The following SHISA9 variants were observed in gnomAD, a reference collection of about 807,000 sequenced individuals.
SHISA9 encodes the protein shisa family member 9.
SHISA9 carries 13 observed loss-of-function variants against 38.0 expected under a neutral mutation model. The ratio of observed to expected loss-of-function variants is 0.34; its 90% CI spans 0.22 to 0.54. The LOEUF is 0.54. Ranked by LOEUF, SHISA9 falls within the 20% of genes least tolerant of loss-of-function variation. The pLI is 0.91. For missense variants in SHISA9, 538 were observed against 575.8 expected (o/e 0.93, Z 0.67); for synonymous variants, 275 against 242.0 (o/e 1.14, Z -1.27).
At chr16:13,165,259 T>C (rs766551327) in intron 2 of SHISA9, among the ~76,000 whole-genome samples, 15 of 152,218 alleles carry the variant, frequency 9.9e-5, no homozygotes, top group Non-Finnish European at 2.1e-4. Flanking sequence ...TCAGTCATGC[T>C]CTTTTCATAT....
At position 13,211,742 on chromosome 16, in the gene SHISA9, C is replaced by G. The variant is rs180942211; in HGVS notation, c.848-1511C>G. On this transcript the variant is annotated intron_variant, in intron 3 of 4. Coordinates refer to ENST00000558583, the MANE Select transcript of SHISA9 (RefSeq NM_001145204.3). ...TTGTAATAGCTAAGCCCTATCTGAG[C>G]TAATGGGAACAGAGGTGACAAAATA... Among the ~76,000 whole-genome samples, 197 of 152,290 alleles carry G rather than the reference C, an allele frequency of 1.3e-3. 1 individual carries two copies. Among genetic ancestry groups the G allele is most frequent in the African/African-American group, 4.6e-3 (190 of 41,562 alleles).
At chr16:13,419,488 C>G in the SHISA9 span, among the ~76,000 whole-genome samples, 4 of 152,108 alleles carry the variant, frequency 2.6e-5, no homozygotes, top group Non-Finnish European at 5.9e-5. Context: ...TTTTCCTAAG[C>G]ATTTTTAGTT....
chr16:13,260,317 G>C, the SHISA9 span, among the ~76,000 whole-genome samples: 1 of 151,730 alleles, frequency 6.6e-6, no homozygotes, highest in Admixed American at 6.6e-5. Flanking sequence ...CGCCTGGCCG[G>C]GTTTTTCTTT....
intron 2 of SHISA9, among the ~76,000 whole-genome samples, chr16:12,937,300 C>T (rs2071547192): frequency 6.6e-6 from 1 of 152,174 alleles, no homozygotes; most frequent in Admixed American, 6.5e-5. Context: ...AAGCAATATT[C>T]AAGGACGTGA....
At chr16:13,293,252 A>G in the SHISA9 span, among the ~76,000 whole-genome samples, 1 of 152,068 alleles carries the variant, frequency 6.6e-6, no homozygotes, top group Admixed American at 6.6e-5. Context: ...GCGCGCAAAC[A>G]CACACACACA....
At chr16:13,551,996 C>T in the SHISA9 span, among the ~76,000 whole-genome samples, 287 of 152,186 alleles carry the variant, frequency 1.9e-3, no homozygotes, top group African/African-American at 6.5e-3. Flanking sequence ...CACTGCACTC[C>T]AGCCTGGGTA....
chr16:13,173,409 C>CAT (rs1555467995), intron 2 of SHISA9, among the ~76,000 whole-genome samples: 13 of 151,074 alleles, frequency 8.6e-5, no homozygotes, highest in East Asian at 3.9e-4. Flanking sequence ...CACACACACA[C>CAT]ATTTTCCTAA....
At chr16:13,527,369 G>A in the SHISA9 span, among the ~76,000 whole-genome samples, 2 of 152,282 alleles carry the variant, frequency 1.3e-5, no homozygotes, top group African/African-American at 2.4e-5. Context: ...GTCTTTAGAC[G>A]CAGATAATTG....
At chr16:13,278,109 A>C in the SHISA9 span, among the ~76,000 whole-genome samples, 16 of 151,942 alleles carry the variant, frequency 1.1e-4, 1 homozygote, top group East Asian at 2.9e-3. Context: ...GATTTTTCTG[A>C]GAGTTTTAGT....
intron 2 of SHISA9, among the ~76,000 whole-genome samples, chr16:12,991,779 T>A (rs1479142340): frequency 1.3e-5 from 2 of 152,184 alleles, no homozygotes; most frequent in Non-Finnish European, 2.9e-5. Context: ...TTCAAAAGCA[T>A]CCACCTTGTA....
At chr16:13,292,951 G>A in the SHISA9 span, among the ~76,000 whole-genome samples, 1 of 152,110 alleles carries the variant, frequency 6.6e-6, no homozygotes, top group Non-Finnish European at 1.5e-5. Flanking sequence ...ATTCTAAAGA[G>A]AATGGAGAGA....
the SHISA9 span, among the ~76,000 whole-genome samples, chr16:13,422,511 C>G: frequency 1.3e-5 from 2 of 152,060 alleles, no homozygotes; most frequent in Admixed American, 1.3e-4. Flanking sequence ...GCCCGGCCAA[C>G]ATGGCGAAAC....
At chr16:13,303,366 G>T in the SHISA9 span, among the ~76,000 whole-genome samples, 1 of 152,156 alleles carries the variant, frequency 6.6e-6, no homozygotes, top group Non-Finnish European at 1.5e-5. Context: ...TAAATAAATT[G>T]TGTGATATAA....
intron 2 of SHISA9, among the ~76,000 whole-genome samples, chr16:13,034,388 A>G (rs2073028522): frequency 6.6e-6 from 1 of 152,180 alleles, no homozygotes; most frequent in African/African-American, 2.4e-5. Flanking sequence ...CAGTGATGCC[A>G]ACTCACACCT....
intron 3 of SHISA9, among the ~76,000 whole-genome samples, chr16:13,209,670 AGACCGAGC>A (rs2051099463): frequency 6.6e-6 from 1 of 152,238 alleles, no homozygotes; most frequent in Admixed American, 6.5e-5. Flanking sequence ...GTCTTGTTAT[AGACCGAGC>A]CAAAAATGTA....
rs749646595 is a variant in SHISA9 at position 13,107,468 on chromosome 16, AACAGACACAC to A, written c.692-95922_692-95913del. Among the ~76,000 whole-genome samples, 85 of 97,992 alleles carry A rather than the reference AACAGACACAC, an allele frequency of 8.7e-4. 1 individual carries two copies. The highest frequency in any genetic ancestry group is 3.0e-3 in the African/African-American group (73 of 24,386). The allele number at this position is 97,992 out of a possible 152,430, so 64.3% of individuals were successfully genotyped here. A position where few individuals can be genotyped will look rare whatever the true frequency, so the allele number is the denominator to read the frequency against. ...CAAACAAACAAACAAACAAAAAAAC[AACAGACACAC>A]ACACACACACACACACACACACACA... On this transcript the variant is annotated intron_variant, in intron 2 of 4. Coordinates refer to ENST00000558583, the MANE Select transcript of SHISA9 (RefSeq NM_001145204.3).
chr16:13,060,663 A>T (rs1389382377), intron 2 of SHISA9, among the ~76,000 whole-genome samples: 1 of 124,482 alleles, frequency 8.0e-6, no homozygotes, highest in Non-Finnish European at 1.7e-5. Context: ...AAAAAAAAAC[A>T]CTCAAAATAC....
chr16:12,920,021 C>T (rs138523003), intron 2 of SHISA9, among the ~76,000 whole-genome samples: 1 of 152,214 alleles, frequency 6.6e-6, no homozygotes, highest in Non-Finnish European at 1.5e-5. Context: ...CCCTCTCCCC[C>T]TTTCGGGGTT....
the SHISA9 span, among the ~76,000 whole-genome samples, chr16:13,370,301 T>C: frequency 0.81 from 123,631 of 152,102 alleles, 50,395 homozygotes; most frequent in East Asian, 0.96. Context: ...GGAAATGGGA[T>C]GTAGAGTCAA....
Sources: allele counts gnomAD v4.1 joint callset (sites outside exome capture counted in the v4.1 genomes callset), GRCh38; gene constraint gnomAD v4.1.1; transcripts MANE v1.5; gene names NCBI Gene and HGNC (gene_info 2026-07-23, HGNC 2026-07-21).